ROBO2: variants seen among roughly 807,000 people sequenced by gnomAD.
The protein encoded by ROBO2 is roundabout homolog 2.
Under a neutral mutation model 160.8 loss-of-function variants are expected in ROBO2, and 53 were observed. The ratio of observed to expected loss-of-function variants is 0.33; its 90% CI spans 0.26 to 0.41. The LOEUF is 0.41. Ranked by LOEUF, ROBO2 falls within the 10% of genes least tolerant of loss-of-function variation. The pLI is 1.00. For synonymous variants in ROBO2, 664 were observed against 611.7 expected (o/e 1.09, Z -1.26); for missense variants, 1,577 against 1,722.4 (o/e 0.92, Z 1.49).
chr3:77,246,688 T>C (rs983058686), intron 2 of ROBO2, among the ~76,000 whole-genome samples: 22 of 152,206 alleles, frequency 1.4e-4, no homozygotes, highest in African/African-American at 4.8e-4. Flanking sequence ...TCCTTTGTTA[T>C]GGAATTCCAA....
intron 2 of ROBO2, among the ~76,000 whole-genome samples, chr3:76,494,094 C>T (rs1484808550): frequency 6.6e-6 from 1 of 151,986 alleles, no homozygotes; most frequent in Non-Finnish European, 1.5e-5. Context: ...TGAATGTTCA[C>T]AGTAGCGCCA....
At chr3:77,316,599 G>A (rs1262175187) in intron 2 of ROBO2, among the ~76,000 whole-genome samples, 1 of 152,040 alleles carries the variant, frequency 6.6e-6, no homozygotes, top group South Asian at 2.1e-4. Flanking sequence ...CCTCTGAAAG[G>A]GTAACATCTT....
At chr3:77,069,871 G>C (rs1254637774) in intron 1 of ROBO2, among the ~76,000 whole-genome samples, 1 of 152,128 alleles carries the variant, frequency 6.6e-6, no homozygotes, top group Admixed American at 6.5e-5. Flanking sequence ...GTGTTGAATT[G>C]TGTCCCTCCA....
intron 2 of ROBO2, among the ~76,000 whole-genome samples, chr3:76,052,690 C>G (rs976796725): frequency 1.5e-4 from 23 of 151,948 alleles, no homozygotes; most frequent in African/African-American, 5.3e-4. Context: ...CTTTTTATAG[C>G]AGATTTCTCA....
intron 2 of ROBO2, among the ~76,000 whole-genome samples, chr3:77,107,317 A>C (rs559855337): frequency 6.6e-6 from 1 of 152,272 alleles, no homozygotes; most frequent in South Asian, 2.1e-4. Flanking sequence ...GACTTCAAGC[A>C]AGGGTTGTAA....
At chr3:76,449,274 G>A (rs973718348) in intron 2 of ROBO2, among the ~76,000 whole-genome samples, 1 of 152,088 alleles carries the variant, frequency 6.6e-6, no homozygotes, top group Non-Finnish European at 1.5e-5. Flanking sequence ...AAAGGATGAA[G>A]TGTATGAGCT....
At chr3:76,245,826 G>T (rs546430138) in intron 2 of ROBO2, among the ~76,000 whole-genome samples, 1 of 152,218 alleles carries the variant, frequency 6.6e-6, no homozygotes, top group South Asian at 2.1e-4. Flanking sequence ...GCACAGACAA[G>T]TCATACTTCA....
chr3:77,291,097 A>G (rs1299748853), intron 2 of ROBO2, among the ~76,000 whole-genome samples: 3 of 151,770 alleles, frequency 2.0e-5, no homozygotes, highest in Admixed American at 1.3e-4. Flanking sequence ...TTGACGGGTA[A>G]ACGGGTAAGC....
intron 2 of ROBO2, among the ~76,000 whole-genome samples, chr3:76,800,763 C>T (rs937862065): frequency 6.6e-5 from 10 of 152,186 alleles, no homozygotes; most frequent in Non-Finnish European, 4.4e-5. Flanking sequence ...AGCTCTCATA[C>T]ACTCTTGTCA....
intron 1 of ROBO2, among the ~76,000 whole-genome samples, chr3:77,080,344 G>A (rs1375788259): frequency 6.6e-6 from 1 of 152,128 alleles, no homozygotes; most frequent in Non-Finnish European, 1.5e-5. Flanking sequence ...GGAGGCTGAA[G>A]ATTTAAGTGA....
chr3:76,540,370 G>A (rs947361148), intron 2 of ROBO2, among the ~76,000 whole-genome samples: 7 of 152,190 alleles, frequency 4.6e-5, no homozygotes, highest in African/African-American at 1.7e-4. Flanking sequence ...ATAGCTAAAA[G>A]AGAATCCTTT....
intron 22 of ROBO2, among the ~76,000 whole-genome samples, chr3:77,621,338 A>C (rs2094895689): frequency 6.6e-6 from 1 of 152,116 alleles, no homozygotes; most frequent in Admixed American, 6.6e-5. Context: ...AGGCAGGAGG[A>C]TCGCTTACGC....
intron 2 of ROBO2, among the ~76,000 whole-genome samples, chr3:76,169,999 C>G (rs574531502): frequency 7.9e-5 from 12 of 152,242 alleles, no homozygotes; most frequent in Non-Finnish European, 1.3e-4. Flanking sequence ...CCAGGATGGT[C>G]TCGATCTCCT....
At chr3:76,859,936 T>G (rs1054125360) in intron 2 of ROBO2, among the ~76,000 whole-genome samples, 1 of 152,224 alleles carries the variant, frequency 6.6e-6, no homozygotes, top group Non-Finnish European at 1.5e-5. Flanking sequence ...CACTGAGATA[T>G]TTAGACGTGA....
chr3:76,292,430 A>G (rs956199458), intron 2 of ROBO2, among the ~76,000 whole-genome samples: 1 of 152,196 alleles, frequency 6.6e-6, no homozygotes, highest in African/African-American at 2.4e-5. Flanking sequence ...GGCGTCTACG[A>G]TGAGTGAGTC....
At chr3:76,070,254 A>G (rs965087689) in intron 2 of ROBO2, among the ~76,000 whole-genome samples, 1 of 152,200 alleles carries the variant, frequency 6.6e-6, no homozygotes, top group African/African-American at 2.4e-5. Context: ...AATGGGAGAA[A>G]TATCACTGAA....
intron 2 of ROBO2, among the ~76,000 whole-genome samples, chr3:76,603,471 CAAAT>C (rs890356244): frequency 2.1e-5 from 3 of 142,140 alleles, no homozygotes; most frequent in African/African-American, 2.7e-5. Context: ...TAAGCAAAAA[CAAAT>C]AGACCAATAA....
At chr3:76,215,366 C>G (rs1020934727) in intron 2 of ROBO2, among the ~76,000 whole-genome samples, 3 of 152,082 alleles carry the variant, frequency 2.0e-5, no homozygotes, top group Non-Finnish European at 2.9e-5. Flanking sequence ...CTACTCCGAT[C>G]TAAAGGAGGA....
chr3:77,613,809 T>C (rs1176165748), intron 21 of ROBO2, among the ~76,000 whole-genome samples: 1 of 152,140 alleles, frequency 6.6e-6, no homozygotes, highest in African/African-American at 2.4e-5. Context: ...AATAAATTAG[T>C]CAAGAGTTAC....
Sources: allele counts gnomAD v4.1 joint callset (sites outside exome capture counted in the v4.1 genomes callset), GRCh38; gene constraint gnomAD v4.1.1; transcripts MANE v1.5; gene names NCBI Gene and HGNC (gene_info 2026-07-23, HGNC 2026-07-21).